Variants in SDCBP2 observed in about 807,000 individuals in gnomAD.
SDCBP2 encodes syntenin-2.
A neutral mutation model predicts 30.7 loss-of-function variants in SDCBP2; 28 were observed. The observed-to-expected ratio is 0.91, with a 90% confidence interval of 0.68 to 1.25. The LOEUF (loss-of-function observed/expected upper bound fraction) is 1.25. Among genes scored for constraint, SDCBP2 ranks in the 50% most tolerant of loss-of-function variants. The pLI, the probability that SDCBP2 is intolerant of heterozygous loss-of-function variation, is 0.00. For missense variants in SDCBP2, 399 were observed against 379.0 expected, an observed-to-expected ratio of 1.05 and a Z score of -0.44; for synonymous variants, 166 against 157.3, an observed-to-expected ratio of 1.06 and a Z score of -0.41.
intron 1 of SDCBP2, chr20:1,323,357 G>A (rs2088873397): frequency 6.6e-6 from 1 of 152,238 alleles, no homozygotes; most frequent in Non-Finnish European, 1.5e-5. Flanking sequence ...GACCACGCAT[G>A]AACAGCAGAT....
At chr20:1,311,638 C>G (rs896294735) in intron 7 of SDCBP2, among the ~76,000 whole-genome samples, 1 of 152,152 alleles carries the variant, frequency 6.6e-6, no homozygotes, top group Non-Finnish European at 1.5e-5. Context: ...GTGATGGCCA[C>G]AGGTGGAAAT....
chr20:1,328,169 G>A (rs974980828), intron 1 of SDCBP2, among the ~76,000 whole-genome samples: 4 of 152,170 alleles, frequency 2.6e-5, no homozygotes, highest in African/African-American at 9.7e-5. Context: ...GTGCAGAGAG[G>A]GAGTAAGGAG....
rs534687351 is a variant in SDCBP2 at position 1,312,683 on chromosome 20, A to T, written c.464T>A (p.Ile155Asn). The stretch of plus-strand genomic sequence containing the variant: ...CCACCCAGCACAGTCACGCCCGTCA[A>T]TCTGCAGGAGCTGGTCCCCAAAGCG... ...GLRFGDQLLQ[I>N]DGRDCAGWSS... The change falls in exon 6 of 9, where the codon ATT becomes AAT. Residue 155 changes from isoleucine (I) to asparagine (N), a missense_variant. Coordinates refer to ENST00000360779, the MANE Select transcript of SDCBP2 (RefSeq NM_080489.5). The T allele has an allele frequency of 4.3e-6, 7 of 1,613,982 alleles. No homozygotes were observed. Among genetic ancestry groups the T allele is most frequent in the African/African-American group, 1.3e-5 (1 of 74,906 alleles).
In SDCBP2 at chr20:1,310,986, A is replaced by G. The variant is rs144243698; in HGVS notation, c.733-95T>C. 3 of 854,296 alleles carry G rather than the reference A, an allele frequency of 3.5e-6. No homozygotes were observed. In the East Asian group the frequency reaches 8.0e-5, roughly 23 times the overall value. 52.9% of individuals were successfully genotyped at this position (854,296 alleles called of 1,614,324 possible). ...TGGAGGGATCAGCATGGCCACTGCT[A>G]GAGGACACCACTGATGGCTGACTGC... is the stretch of plus-strand genomic sequence containing the variant. On this transcript the variant is annotated intron_variant, in intron 7 of 8. Transcript: ENST00000360779.
intron 4 of SDCBP2, among the ~76,000 whole-genome samples, chr20:1,316,167 C>T (rs6033417): frequency 0.42 from 64,352 of 151,864 alleles, 14,592 homozygotes; most frequent in East Asian, 0.64. Context: ...AACATTTTAC[C>T]GGAAAGAATA....
At chr20:1,311,169 G>A (rs544252938) in intron 7 of SDCBP2, 8 of 391,220 alleles carry the variant, frequency 2.0e-5, no homozygotes, top group South Asian at 2.0e-4. Flanking sequence ...GGCCAGCGGT[G>A]TGAGCCTGAC....
chr20:1,314,488 C>CAAAAAAA (rs57936330), intron 4 of SDCBP2, among the ~76,000 whole-genome samples: 14 of 53,952 alleles, frequency 2.6e-4, no homozygotes, highest in African/African-American at 3.5e-4. Context: ...GACTCCACCT[C>CAAAAAAA]AAAAAAAAAA....
chr20:1,327,558 A>G lies in SDCBP2; in HGVS notation c.-20+1527T>C, dbSNP rs185885338. On this transcript the variant is annotated intron_variant, in intron 1 of 8. Coordinates refer to ENST00000360779, the MANE Select transcript of SDCBP2 (RefSeq NM_080489.5). ...TCAGTGCTGCACTGCCTGCTGGGGA[A>G]AAGCTGTGACTTCCTCAAGCAGACA... is the stretch of plus-strand genomic sequence containing the variant. 4.3e-3 allele frequency among the ~76,000 whole-genome samples: 649 copies of G among 152,332 alleles called. 4 individuals are homozygous for G. Among genetic ancestry groups the G allele is most frequent in the African/African-American group, 0.015 (622 of 41,568 alleles).
rs1433252347 is a variant in SDCBP2, at chr20:1,324,546, T to C, written c.-19-4111A>G. Among the ~76,000 whole-genome samples the C allele has an allele frequency of 6.6e-6, 1 of 152,190 alleles. No individual in the cohort carries two copies. Among genetic ancestry groups the C allele is most frequent in the East Asian group, 1.9e-4 (1 of 5,200 alleles). ...ACAACTTTCAGATATCCTGCCAAAC[T>C]TTCAAGTAAGCCAAAAATCCGTTAT... On this transcript the variant is annotated intron_variant, in intron 1 of 8. Transcript: ENST00000360779. The surrounding 1 kb of genome is among the most constrained non-coding windows in gnomAD (Gnocchi z 4.7).
At chr20:1,311,900 CT>C (rs11471529) in intron 7 of SDCBP2, among the ~76,000 whole-genome samples, 1 of 121,090 alleles carries the variant, frequency 8.3e-6, no homozygotes, top group South Asian at 2.5e-4. Flanking sequence ...GGTACACTGT[CT>C]TTTTTTTTTT....
chr20:1,318,439 A>G (rs750288992), intron 3 of SDCBP2, 21 bp from the exon 4 acceptor site: 3 of 1,486,310 alleles, frequency 2.0e-6, no homozygotes, highest in Non-Finnish European at 2.8e-6. Flanking sequence ...AAGAAGGAAG[A>G]ATAAATGTGT....
Position 1,313,527 on chromosome 20 carries a change from C to T in SDCBP2, c.226-29G>A, listed in dbSNP as rs1394881433. On this transcript the variant is annotated intron_variant, in intron 4 of 8. Transcript: ENST00000360779. This position sits in a 1 kb window ranked among gnomAD's most constrained non-coding sequence, Gnocchi z 5.2. ...CAGACACCAGGGGGCAGGGGGTCAG[C>T]CCGGCCCGTGGGGACCCTGTGCCTC... 5.8e-6 allele frequency: 9 copies of T among 1,549,756 alleles called. No individual in the cohort carries two copies. The highest frequency in any genetic ancestry group is 4.1e-5 in the African/African-American group (3 of 73,962).
chr20:1,325,184 TCA>T (rs1055367949), intron 1 of SDCBP2, among the ~76,000 whole-genome samples: 53 of 152,248 alleles, frequency 3.5e-4, no homozygotes, highest in African/African-American at 1.1e-3. Flanking sequence ...CAACCCAGCC[TCA>T]GTTTCCTATC....
intron 1 of SDCBP2, chr20:1,323,653 G>A (rs1032004064): frequency 6.6e-6 from 1 of 152,050 alleles, no homozygotes; most frequent in Non-Finnish European, 1.5e-5. Context: ...CCCATCCCTC[G>A]GATACCAACA....
intron 2 of SDCBP2, 74 bp from the exon 3 acceptor site, chr20:1,319,733 GC>G: frequency 7.6e-7 from 1 of 1,314,780 alleles, no homozygotes; most frequent in Non-Finnish European, 1.0e-6. Context: ...GCTCCATGAG[GC>G]CAGGGTCTGG....
rs1034526046 is a variant in SDCBP2 at position 1,319,675 on chromosome 20, G to A, written c.55-16C>T. 3.2e-6 allele frequency: 5 copies of A among 1,545,250 alleles called. No individual in the cohort carries two copies. The highest frequency in any genetic ancestry group is 4.4e-6 in the Non-Finnish European group (5 of 1,144,312). On this transcript the variant is annotated splice_polypyrimidine_tract_variant and intron_variant, in intron 2 of 8. Coordinates refer to ENST00000360779, the MANE Select transcript of SDCBP2 (RefSeq NM_080489.5). Reference sequence around the variant, plus strand: ...TGACCTGGGCCTGGGGAGGAGCAGGGAGCACTGGTCAGCTGTGGCCAGGAC... The same window carrying A: ...TGACCTGGGCCTGGGGAGGAGCAGGAAGCACTGGTCAGCTGTGGCCAGGAC...
rs1568557142 is a variant in SDCBP2, at chr20:1,310,499, G to A, written c.825-4C>T. 2 of 1,613,586 alleles carry A rather than the reference G, an allele frequency of 1.2e-6. No homozygotes were observed. The highest frequency in any genetic ancestry group is 1.7e-6 in the Non-Finnish European group (2 of 1,179,894). ...GTGGAGCAGGACTGGAGGCAACCTG[G>A]ATACAGCAACAACAGTGACCAGGTT... On this transcript the variant is annotated splice_polypyrimidine_tract_variant and splice_region_variant and intron_variant, in intron 8 of 8. Coordinates refer to ENST00000360779, the MANE Select transcript of SDCBP2 (RefSeq NM_080489.5).
rs1453108811 is a variant in SDCBP2 at position 1,320,156 on chromosome 20, G to A, written c.54+207C>T. 1.3e-5 allele frequency among the ~76,000 whole-genome samples: 2 copies of A among 152,332 alleles called. No homozygotes were observed. The highest frequency in any genetic ancestry group is 2.9e-5 in the Non-Finnish European group (2 of 68,026). Reference sequence around the variant, plus strand: ...CAGAGCAGGCATGAGAGAGGCATGCGTGCGCTGCTTGGTCTTTTCTATTCT... The same window carrying A: ...CAGAGCAGGCATGAGAGAGGCATGCATGCGCTGCTTGGTCTTTTCTATTCT... On this transcript the variant is annotated intron_variant, in intron 2 of 8. Transcript: ENST00000360779. The surrounding 1 kb of genome is among the most constrained non-coding windows in gnomAD (Gnocchi z 4.7).
chr20:1,318,257 C>A, intron 4 of SDCBP2, 61 bp downstream of exon 4: 2 of 1,150,320 alleles, frequency 1.7e-6, no homozygotes, highest in Non-Finnish European at 2.6e-6. Context: ...AATGGCAAGA[C>A]CAGGAAAAAG....
Sources: gnomAD v4.1 joint callset for allele counts (sites outside exome capture counted in the v4.1 genomes callset) on GRCh38, gnomAD v4.1.1 for gene constraint, Gnocchi (gnomAD v3.1) non-coding constraint, MANE v1.5 for transcripts, NCBI Gene and HGNC (gene_info 2026-07-23, HGNC 2026-07-21) for gene names.